The following GRID2 variants were observed in gnomAD, a reference collection of about 807,000 sequenced individuals.
The protein encoded by GRID2 is glutamate ionotropic receptor delta type subunit 2.
A neutral mutation model predicts 114.8 loss-of-function variants in GRID2; 33 were observed. That is an observed-to-expected ratio of 0.29 (90% confidence interval 0.22 to 0.38). The LOEUF (loss-of-function observed/expected upper bound fraction) is 0.38. Ranked by LOEUF, GRID2 falls within the 10% of genes least tolerant of loss-of-function variation. The pLI is 1.00. For missense variants in GRID2, 1,184 were observed against 1,257.7 expected, an observed-to-expected ratio of 0.94 and a Z score of 0.89; for synonymous variants, 505 against 449.9, an observed-to-expected ratio of 1.12 and a Z score of -1.55.
chr4:93,331,755 G>A (rs1035739521), intron 8 of GRID2, among the ~76,000 whole-genome samples: 1 of 152,058 alleles, frequency 6.6e-6, no homozygotes, highest in Non-Finnish European at 1.5e-5. Flanking sequence ...ATTATCAGCT[G>A]TAAATATAAA....
At chr4:92,892,126 C>A (rs933706748) in intron 2 of GRID2, among the ~76,000 whole-genome samples, 1 of 151,712 alleles carries the variant, frequency 6.6e-6, no homozygotes, top group Non-Finnish European at 1.5e-5. Context: ...TGCAGTGGCA[C>A]GATCTTGGCT....
intron 14 of GRID2, among the ~76,000 whole-genome samples, chr4:93,683,591 A>G (rs1305096416): frequency 1.3e-5 from 2 of 152,114 alleles, no homozygotes; most frequent in Admixed American, 1.3e-4. Flanking sequence ...TTAGCTAAAC[A>G]ATTGACAGCA....
chr4:93,282,494 A>G, intron 8 of GRID2: 1 of 340,324 alleles, frequency 2.9e-6, no homozygotes, highest in Non-Finnish European at 5.7e-6. Context: ...GGGATGAGAT[A>G]AGGGTCAAAC....
chr4:92,752,583 A>G (rs1737506352), intron 2 of GRID2, among the ~76,000 whole-genome samples: 1 of 152,194 alleles, frequency 6.6e-6, no homozygotes, highest in Non-Finnish European at 1.5e-5. Context: ...AAAAAGTAAT[A>G]CATTTAATAT....
chr4:93,645,994 T>C (rs6856877), intron 14 of GRID2, among the ~76,000 whole-genome samples: 18,078 of 152,152 alleles, frequency 0.12, 1,118 homozygotes, highest in Middle Eastern at 0.14. Flanking sequence ...AGCAGTTTAC[T>C]AGAGATTAGA....
intron 9 of GRID2, among the ~76,000 whole-genome samples, chr4:93,404,219 A>G (rs1766189494): frequency 1.3e-5 from 2 of 152,112 alleles, no homozygotes; most frequent in South Asian, 2.1e-4. Context: ...GTGATTGCCT[A>G]GGTCTGGGAA....
Position 92,886,186 on chromosome 4 carries a change from C to T in GRID2, c.245-198809C>T, listed in dbSNP as rs540076525. Among the ~76,000 whole-genome samples the T allele has an allele frequency of 3.3e-5, 5 of 152,118 alleles. No homozygotes were observed. In the South Asian group the frequency reaches 1.0e-3, roughly 32 times the overall value. On this transcript the variant is annotated intron_variant, in intron 2 of 15. Transcript: ENST00000282020. Reference sequence around the variant, plus strand: ...GGGGAACAGCCAGTGGGTGGAGCAGCCAGAACCAGCACAACATTTATTAGT... The same window carrying T: ...GGGGAACAGCCAGTGGGTGGAGCAGTCAGAACCAGCACAACATTTATTAGT...
chr4:92,723,369 T>C (rs1735904267), intron 2 of GRID2, among the ~76,000 whole-genome samples: 1 of 152,160 alleles, frequency 6.6e-6, no homozygotes. Flanking sequence ...AGTTAAAATT[T>C]GTCCATCTGT....
intron 2 of GRID2, among the ~76,000 whole-genome samples, chr4:93,078,272 C>G (rs528563627): frequency 1.9e-4 from 29 of 152,130 alleles, no homozygotes; most frequent in Non-Finnish European, 4.0e-4. Flanking sequence ...GCTCTATAGT[C>G]ACTTCTGTAG....
intron 4 of GRID2, among the ~76,000 whole-genome samples, chr4:93,180,072 C>G (rs139528110): frequency 6.6e-6 from 1 of 152,062 alleles, no homozygotes; most frequent in Non-Finnish European, 1.5e-5. Flanking sequence ...TCATCATTTA[C>G]CCAGTTACTC....
At chr4:92,678,450 A>G (rs993797589) in intron 2 of GRID2, among the ~76,000 whole-genome samples, 2 of 152,104 alleles carry the variant, frequency 1.3e-5, no homozygotes, top group Non-Finnish European at 2.9e-5. Flanking sequence ...CCTAATGGGT[A>G]AAATTACTAT....
intron 1 of GRID2, among the ~76,000 whole-genome samples, chr4:92,482,871 T>A (rs1722683911): frequency 1.3e-5 from 2 of 152,242 alleles, no homozygotes; most frequent in Non-Finnish European, 2.9e-5. Flanking sequence ...AACATTATTC[T>A]CTAAATTCTA....
chr4:93,116,413 C>T lies in GRID2; in HGVS notation c.735+5460C>T, dbSNP rs139692866. Among the ~76,000 whole-genome samples the T allele has an allele frequency of 7.7e-3, 1,170 of 152,236 alleles. 15 individuals carry two copies. Among genetic ancestry groups the T allele is most frequent in the African/African-American group, 0.027 (1,109 of 41,554 alleles). The stretch of plus-strand genomic sequence containing the variant: ...ATGTTTTATCACTATAAATATTGTT[C>T]ACTGTACAACAAAGTATTAAGATAT... On this transcript the variant is annotated intron_variant, in intron 4 of 15. Coordinates refer to ENST00000282020, the MANE Select transcript of GRID2 (RefSeq NM_001510.4).
chr4:93,113,659 C>G (rs1172377974), intron 4 of GRID2, among the ~76,000 whole-genome samples: 2 of 152,166 alleles, frequency 1.3e-5, no homozygotes, highest in Non-Finnish European at 2.9e-5. Flanking sequence ...ATCAGCATTA[C>G]AAGATGCATG....
intron 2 of GRID2, among the ~76,000 whole-genome samples, chr4:92,909,105 G>C (rs1271242811): frequency 6.6e-6 from 1 of 151,970 alleles, no homozygotes; most frequent in Non-Finnish European, 1.5e-5. Flanking sequence ...TGGTAAGAGT[G>C]ATATACCTTA....
At chr4:93,719,060 A>C (rs144098542) in intron 14 of GRID2, among the ~76,000 whole-genome samples, 1 of 151,822 alleles carries the variant, frequency 6.6e-6, no homozygotes, top group Admixed American at 6.6e-5. Flanking sequence ...CGAAATATAA[A>C]TGTTATATAT....
At position 92,700,594 on chromosome 4, in the gene GRID2, C is replaced by T. The variant is rs529501489; in HGVS notation, c.244+110308C>T. Among the ~76,000 whole-genome samples, 58 of 152,222 alleles carry T rather than the reference C, an allele frequency of 3.8e-4. No homozygotes were observed. The South Asian group carries it at 0.012, about 32-fold the overall frequency. ...TTTACTCAAAATGAGTAAGCACCTA[C>T]TAGGTACAAATATGGAAGTCTAGAC... On this transcript the variant is annotated intron_variant, in intron 2 of 15. Transcript: ENST00000282020.
chr4:92,800,384 A>G (rs1740094432), intron 2 of GRID2, among the ~76,000 whole-genome samples: 2 of 152,008 alleles, frequency 1.3e-5, no homozygotes, highest in South Asian at 4.1e-4. Context: ...CCTTGGGATA[A>G]GAAATAAAAA....
At chr4:93,736,900 C>T (rs1422143573) in intron 14 of GRID2, among the ~76,000 whole-genome samples, 1 of 150,226 alleles carries the variant, frequency 6.7e-6, no homozygotes, top group Admixed American at 6.7e-5. Flanking sequence ...GAGCCCAAAA[C>T]CTGAGGTTGT....
Sources: gnomAD v4.1 joint callset for allele counts (sites outside exome capture counted in the v4.1 genomes callset) on GRCh38, gnomAD v4.1.1 for gene constraint, MANE v1.5 for transcripts, NCBI Gene and HGNC (gene_info 2026-07-23, HGNC 2026-07-21) for gene names.